TMTC2: variants seen among roughly 807,000 people sequenced by gnomAD.
TMTC2 encodes protein O-mannosyl-transferase TMTC2.
A neutral mutation model predicts 82.4 loss-of-function variants in TMTC2; 43 were observed. The ratio of observed to expected loss-of-function variants is 0.52; its 90% CI spans 0.41 to 0.67. The LOEUF is 0.67. Ranked by LOEUF, TMTC2 falls within the 30% of genes least tolerant of loss-of-function variation. The probability of loss-of-function intolerance (pLI) is 0.00; values close to 1 mark genes in which losing one functional copy is unlikely to be tolerated. For synonymous variants in TMTC2, 408 were observed against 381.9 expected (o/e 1.07, Z -0.80); for missense variants, 919 against 1,012.4 (o/e 0.91, Z 1.25).
chr12:83,037,892 A>G (rs12303873), intron 9 of TMTC2, among the ~76,000 whole-genome samples: 60,495 of 151,860 alleles, frequency 0.4, 12,087 homozygotes, highest in South Asian at 0.46. Flanking sequence ...CTTTAAAGGC[A>G]AAAAATAAAA....
chr12:83,096,247 A>C (rs1592743813), intron 11 of TMTC2, among the ~76,000 whole-genome samples: 1 of 152,256 alleles, frequency 6.6e-6, no homozygotes, highest in Admixed American at 6.5e-5. Context: ...TGAAGCTACC[A>C]GTGAATGGCA....
At chr12:83,022,475 A>C (rs748149520) in intron 8 of TMTC2, among the ~76,000 whole-genome samples, 1 of 150,236 alleles carries the variant, frequency 6.7e-6, no homozygotes, top group Non-Finnish European at 1.5e-5. Context: ...TTCCACCACT[A>C]AAATGTGAGC....
chr12:82,779,383 G>A (rs901276162), intron 1 of TMTC2, among the ~76,000 whole-genome samples: 6 of 152,032 alleles, frequency 3.9e-5, no homozygotes, highest in Non-Finnish European at 1.5e-5. Context: ...AATGTTTCAT[G>A]CGATAAGCCT....
At chr12:82,943,421 C>T (rs1377605758) in intron 4 of TMTC2, among the ~76,000 whole-genome samples, 1 of 152,156 alleles carries the variant, frequency 6.6e-6, no homozygotes, top group Non-Finnish European at 1.5e-5. Flanking sequence ...TTCAAAGTTT[C>T]ATCACCTCCT....
chr12:83,035,997 T>C (rs1216978012), intron 9 of TMTC2, among the ~76,000 whole-genome samples: 1 of 152,148 alleles, frequency 6.6e-6, no homozygotes, highest in African/African-American at 2.4e-5. Flanking sequence ...AGGGAGGAGA[T>C]TGTAATGCTA....
rs556781380 is a variant in TMTC2 at position 83,118,871 on chromosome 12, G to C, written c.2332-13339G>C. Among the ~76,000 whole-genome samples the C allele has an allele frequency of 2.0e-5, 3 of 152,210 alleles. No homozygotes were observed. In the East Asian group the frequency reaches 5.8e-4, roughly 29 times the overall value. Reference sequence around the variant, plus strand: ...CTGTTCAGGGTGTCTAATTCTTCCTGATTTAAGCTAGGAGAGCTGTATCTT... The same window carrying C: ...CTGTTCAGGGTGTCTAATTCTTCCTCATTTAAGCTAGGAGAGCTGTATCTT... On this transcript the variant is annotated intron_variant, in intron 11 of 11. Transcript: ENST00000321196.
intron 1 of TMTC2, among the ~76,000 whole-genome samples, chr12:82,764,979 G>GGGC (rs752323646): frequency 1.3e-5 from 2 of 149,050 alleles, no homozygotes; most frequent in African/African-American, 2.4e-5. Context: ...GTGGGCGGGG[G>GGGC]GGTGACTGCA....
chr12:82,959,910 T>C (rs1877829208), intron 4 of TMTC2, among the ~76,000 whole-genome samples: 1 of 152,026 alleles, frequency 6.6e-6, no homozygotes, highest in Non-Finnish European at 1.5e-5. Flanking sequence ...GAGAGATGTT[T>C]GCACACTATG....
At chr12:82,781,270 A>T (rs1465090622) in intron 1 of TMTC2, among the ~76,000 whole-genome samples, 1 of 152,130 alleles carries the variant, frequency 6.6e-6, no homozygotes, top group East Asian at 1.9e-4. Context: ...TTCTGCAATT[A>T]TCTTGCAGTA....
chr12:82,760,927 A>C, intron 1 of TMTC2: 1 of 333,614 alleles, frequency 3.0e-6, no homozygotes. Flanking sequence ...CCCACTGATT[A>C]TACATTATGG....
chr12:83,075,522 G>GT (rs1454552792), intron 11 of TMTC2, among the ~76,000 whole-genome samples: 1 of 151,986 alleles, frequency 6.6e-6, no homozygotes, highest in Non-Finnish European at 1.5e-5. Flanking sequence ...CGTTTTATCT[G>GT]TTTTTATTAA....
At chr12:83,072,504 A>T (rs1883152763) in intron 11 of TMTC2, among the ~76,000 whole-genome samples, 1 of 152,092 alleles carries the variant, frequency 6.6e-6, no homozygotes, top group African/African-American at 2.4e-5. Flanking sequence ...TGTTCTGTAT[A>T]TATCTGTTAA....
At chr12:83,078,674 T>G (rs945628087) in intron 11 of TMTC2, among the ~76,000 whole-genome samples, 1 of 152,220 alleles carries the variant, frequency 6.6e-6, no homozygotes, top group Non-Finnish European at 1.5e-5. Context: ...TTCTTAACTA[T>G]ATATAATTCT....
chr12:82,823,219 A>G (rs1336144277), intron 1 of TMTC2, among the ~76,000 whole-genome samples: 1 of 152,224 alleles, frequency 6.6e-6, no homozygotes, highest in Non-Finnish European at 1.5e-5. Context: ...AACGTATTCC[A>G]TATTTACCTT....
chr12:82,702,442 G>A (rs1873131268), intron 1 of TMTC2, among the ~76,000 whole-genome samples: 4 of 151,982 alleles, frequency 2.6e-5, no homozygotes, highest in South Asian at 2.1e-4. Context: ...AATTTACCCC[G>A]TATCTTAATA....
intron 8 of TMTC2, among the ~76,000 whole-genome samples, chr12:83,022,736 T>C (rs1880992488): frequency 6.6e-6 from 1 of 152,222 alleles, no homozygotes; most frequent in Non-Finnish European, 1.5e-5. Flanking sequence ...GTGACTAATC[T>C]TTTTATTCAC....
chr12:82,899,268 G>A (rs761191571), intron 3 of TMTC2, among the ~76,000 whole-genome samples: 6 of 151,956 alleles, frequency 3.9e-5, no homozygotes, highest in African/African-American at 1.5e-4. Context: ...TTACTTGCAG[G>A]CTTTACCATC....
intron 11 of TMTC2, among the ~76,000 whole-genome samples, chr12:83,127,608 A>T (rs1885134892): frequency 6.6e-6 from 1 of 152,124 alleles, no homozygotes; most frequent in South Asian, 2.1e-4. Flanking sequence ...CCAACCCTAA[A>T]TCCCCACATA....
chr12:82,997,221 C>CTCTCTCTCTCTCTCTCTCTATATA lies in TMTC2; in HGVS notation c.2070+11176_2070+11177insCTCTCTCTCTCTCTCTCTATATAT, dbSNP rs1451262969. Among the ~76,000 whole-genome samples the CTCTCTCTCTCTCTCTCTCTATATA allele has an allele frequency of 2.5e-3, 299 of 118,508 alleles. 3 individuals carry two copies. Among genetic ancestry groups the CTCTCTCTCTCTCTCTCTCTATATA allele is most frequent in the African/African-American group, 0.011 (286 of 27,230 alleles). The allele number at this position is 118,508 out of a possible 152,430, so 77.7% of individuals were successfully genotyped here. A position where few individuals can be genotyped will look rare whatever the true frequency, so the allele number is the denominator to read the frequency against. On this transcript the variant is annotated intron_variant, in intron 8 of 11. Transcript: ENST00000321196. ...TCCCCCTCTCCCTCTCTCTCTCTCT[C>CTCTCTCTCTCTCTCTCTCTATATA]TATATATATATATAGTTATGTATAG...
Sources: allele counts gnomAD v4.1 joint callset (sites outside exome capture counted in the v4.1 genomes callset), GRCh38; gene constraint gnomAD v4.1.1; transcripts MANE v1.5; gene names NCBI Gene and HGNC (gene_info 2026-07-23, HGNC 2026-07-21).